Variants in FAM219A observed in about 807,000 individuals in gnomAD.
FAM219A encodes protein FAM219A.
FAM219A carries 7 observed loss-of-function variants against 23.4 expected under a neutral mutation model. The observed-to-expected ratio is 0.30, with a 90% CI of 0.17 to 0.56. The LOEUF (loss-of-function observed/expected upper bound fraction) is 0.56. Ranked by LOEUF, FAM219A falls within the 20% of genes least tolerant of loss-of-function variation. The pLI is 0.92. For synonymous variants in FAM219A, 93 were observed against 99.0 expected (o/e 0.94, Z 0.36); for missense variants, 166 against 246.9 (o/e 0.67, Z 2.20).
intron 1 of FAM219A, among the ~76,000 whole-genome samples, chr9:34,447,992 C>T (rs1354675167): frequency 6.6e-6 from 1 of 152,062 alleles, no homozygotes; most frequent in East Asian, 1.9e-4. Context: ...CCACCTCAGC[C>T]TCCCTAATGG....
chr9:34,457,253 T>A lies in FAM219A; in HGVS notation c.60+951A>T, dbSNP rs1823772063. ...TATACGAGCTGGCTAGGCCTCCACG[T>A]CTCCCACCCGGTTGCCTGACAGACA... On this transcript the variant is annotated intron_variant, in intron 1 of 5. Transcript: ENST00000651358. The surrounding 1 kb of genome is among the most constrained non-coding windows in gnomAD (Gnocchi z 5.1). 6.6e-6 allele frequency among the ~76,000 whole-genome samples: 1 copy of A among 151,992 alleles called. No individual in the cohort carries two copies. Among genetic ancestry groups the A allele is most frequent in the Non-Finnish European group, 1.5e-5 (1 of 67,980 alleles).
intron 1 of FAM219A, among the ~76,000 whole-genome samples, chr9:34,409,863 G>T (rs895447705): frequency 1.4e-5 from 2 of 147,000 alleles, no homozygotes; most frequent in African/African-American, 5.1e-5. Context: ...TGGAGAAAAG[G>T]TTCTATTTTT....
chr9:34,442,005 C>G (rs1361241725), intron 1 of FAM219A, among the ~76,000 whole-genome samples: 2 of 152,178 alleles, frequency 1.3e-5, no homozygotes, highest in Non-Finnish European at 2.9e-5. Flanking sequence ...TTACAGGCCA[C>G]TATGCCTAGC....
intron 1 of FAM219A, among the ~76,000 whole-genome samples, chr9:34,427,736 A>G (rs1023275857): frequency 2.0e-5 from 3 of 152,182 alleles, no homozygotes; most frequent in Admixed American, 1.3e-4. Context: ...AGTCTTGTCT[A>G]ATGGTGTCCC....
intron 1 of FAM219A, among the ~76,000 whole-genome samples, chr9:34,414,688 G>C (rs1196936948): frequency 6.6e-6 from 1 of 152,198 alleles, no homozygotes; most frequent in East Asian, 1.9e-4. Flanking sequence ...CTTACAAATG[G>C]GGGAGAACAG....
intron 1 of FAM219A, among the ~76,000 whole-genome samples, chr9:34,437,874 G>T (rs1452876832): frequency 1.3e-5 from 2 of 152,244 alleles, no homozygotes; most frequent in African/African-American, 4.8e-5. Context: ...GCCCCTTTCT[G>T]GGCTGGCCAA....
intron 1 of FAM219A, among the ~76,000 whole-genome samples, chr9:34,422,979 A>G (rs1822334614): frequency 6.6e-6 from 1 of 152,162 alleles, no homozygotes; most frequent in Non-Finnish European, 1.5e-5. Flanking sequence ...CAGCCTGGGC[A>G]ACATAGTAGG....
rs575695194 is a variant in FAM219A, at chr9:34,402,362, G to C, written c.344+25C>G. On this transcript the variant is annotated intron_variant, in intron 4 of 5. Coordinates refer to ENST00000651358, the MANE Select transcript of FAM219A (RefSeq NM_001184940.2). Reference sequence around the variant, plus strand: ...TATACAGGTTCCTTTGGGCTGCCCAGCTACCCCCAAGCCCCCATACACACC... The same window carrying C: ...TATACAGGTTCCTTTGGGCTGCCCACCTACCCCCAAGCCCCCATACACACC... 2.5e-6 allele frequency: 4 copies of C among 1,614,162 alleles called. No homozygotes were observed. The Admixed American group carries it at 5.0e-5, about 20-fold the overall frequency.
At chr9:34,427,321 G>A (rs549565553) in intron 1 of FAM219A, among the ~76,000 whole-genome samples, 5 of 152,014 alleles carry the variant, frequency 3.3e-5, no homozygotes, top group East Asian at 1.9e-4. Context: ...ACAGGTGCAC[G>A]CCACCACACC....
intron 1 of FAM219A, among the ~76,000 whole-genome samples, chr9:34,450,288 C>T (rs1422494637): frequency 6.9e-6 from 1 of 143,948 alleles, no homozygotes; most frequent in Admixed American, 7.1e-5. Context: ...ACTCCAGCCT[C>T]GGTGACAGAG....
intron 1 of FAM219A, among the ~76,000 whole-genome samples, chr9:34,425,271 G>C (rs1033338804): frequency 6.6e-6 from 1 of 152,074 alleles, no homozygotes; most frequent in African/African-American, 2.4e-5. Context: ...CCTGAGGTCA[G>C]GAGTTTGAGA....
At chr9:34,433,966 G>A (rs1280611642) in intron 1 of FAM219A, among the ~76,000 whole-genome samples, 4 of 151,976 alleles carry the variant, frequency 2.6e-5, no homozygotes, top group Non-Finnish European at 5.9e-5. Flanking sequence ...ACTTTGGGAG[G>A]CCGAGGCGGG....
chr9:34,428,764 C>T (rs1288874428), intron 1 of FAM219A, among the ~76,000 whole-genome samples: 2 of 152,224 alleles, frequency 1.3e-5, no homozygotes, highest in African/African-American at 4.8e-5. Context: ...AAACCCAACA[C>T]AAACAAACCC....
intron 1 of FAM219A, among the ~76,000 whole-genome samples, chr9:34,426,856 C>T (rs1368828898): frequency 6.6e-6 from 1 of 152,142 alleles, no homozygotes; most frequent in Non-Finnish European, 1.5e-5. Flanking sequence ...GTGTGATCCC[C>T]AGGTTGGGGC....
In FAM219A at chr9:34,404,737, A is replaced by T. The variant is rs1025610267; in HGVS notation, c.160+1128T>A. 1.4e-4 allele frequency among the ~76,000 whole-genome samples: 21 copies of T among 148,804 alleles called. No homozygotes were observed. In the South Asian group the frequency reaches 4.1e-3, roughly 29 times the overall value. On this transcript the variant is annotated intron_variant, in intron 2 of 5. Coordinates refer to ENST00000651358, the MANE Select transcript of FAM219A (RefSeq NM_001184940.2). Reference sequence around the variant, plus strand: ...CAACAACAACAACAACAACAACAACAACCAACACCCCTGATAAATAAAATT... The same window carrying T: ...CAACAACAACAACAACAACAACAACTACCAACACCCCTGATAAATAAAATT...
At chr9:34,425,274 G>T (rs1822416225) in intron 1 of FAM219A, among the ~76,000 whole-genome samples, 1 of 152,070 alleles carries the variant, frequency 6.6e-6, no homozygotes, top group African/African-American at 2.4e-5. Context: ...GAGGTCAGGA[G>T]TTTGAGACCA....
chr9:34,429,538 C>A (rs1359955121), intron 1 of FAM219A, among the ~76,000 whole-genome samples: 2 of 152,184 alleles, frequency 1.3e-5, no homozygotes, highest in Non-Finnish European at 2.9e-5. Context: ...GATTATGATT[C>A]TTCTGACCTT....
chr9:34,423,034 T>G (rs1251298533), intron 1 of FAM219A, among the ~76,000 whole-genome samples: 2 of 152,110 alleles, frequency 1.3e-5, no homozygotes, highest in African/African-American at 4.8e-5. Context: ...CCCGGCATGG[T>G]GGCACGTGTC....
intron 1 of FAM219A, among the ~76,000 whole-genome samples, chr9:34,455,115 C>T (rs1430872845): frequency 6.6e-6 from 1 of 152,206 alleles, no homozygotes; most frequent in Non-Finnish European, 1.5e-5. Context: ...TTGCTAACCA[C>T]TCTATCCCTA....
Sources: gnomAD v4.1 joint callset for allele counts (sites outside exome capture counted in the v4.1 genomes callset) on GRCh38, gnomAD v4.1.1 for gene constraint, Gnocchi (gnomAD v3.1) non-coding constraint, MANE v1.5 for transcripts, NCBI Gene and HGNC (gene_info 2026-07-23, HGNC 2026-07-21) for gene names.